Variants in MEF2D observed in about 807,000 individuals in gnomAD.
MEF2D encodes the protein myocyte-specific enhancer factor 2D.
A neutral mutation model predicts 59.3 loss-of-function variants in MEF2D; 10 were observed. That is an observed-to-expected ratio of 0.17 (90% CI 0.10 to 0.29). The LOEUF is 0.29. Among genes scored for constraint, MEF2D ranks in the 10% least tolerant of loss-of-function variants. The pLI is 1.00. For missense variants in MEF2D, 508 were observed against 699.4 expected (o/e 0.73, Z 3.09); for synonymous variants, 305 against 295.0 (o/e 1.03, Z -0.35).
Position 156,483,305 on chromosome 1 carries a change from T to C in MEF2D, c.-13A>G. ...TTTTCCTCCCCATCTTCTCCGGGGG[T>C]CCTCAGTGCTACGGAGGGGAGGGGC... is the stretch of plus-strand genomic sequence containing the variant. On this transcript the variant is annotated 5_prime_UTR_variant, in exon 2 of 12. Transcript: ENST00000348159. 6.2e-7 allele frequency: 1 copy of C among 1,613,878 alleles called. No homozygotes were observed.
chr1:156,475,372 G>T, intron 8 of MEF2D, 135 bp from the exon 9 acceptor site: 1 of 1,025,274 alleles, frequency 9.8e-7, no homozygotes, highest in Non-Finnish European at 1.4e-6. Context: ...GGCCCCCACA[G>T]ATATACAAAC....
At chr1:156,492,297 A>G (rs919847622) in intron 1 of MEF2D, among the ~76,000 whole-genome samples, 59 of 152,238 alleles carry the variant, frequency 3.9e-4, no homozygotes, top group Admixed American at 7.2e-4. Flanking sequence ...TAGGACAGAT[A>G]TAAGACTACA....
At chr1:156,481,097 T>A in intron 3 of MEF2D, 126 bp from the exon 4 acceptor site, 1 of 1,362,468 alleles carries the variant, frequency 7.3e-7, no homozygotes, top group Non-Finnish European at 1.0e-6. Context: ...GTTCCCAGCA[T>A]CTCCCTGGCC....
chr1:156,478,552 C>T (rs949611031), intron 6 of MEF2D, among the ~76,000 whole-genome samples: 7 of 151,992 alleles, frequency 4.6e-5, no homozygotes, highest in East Asian at 1.9e-4. Flanking sequence ...TTTTTTGAGA[C>T]GGAGTTTCGC....
chr1:156,475,082 C>T lies in MEF2D; in HGVS notation c.1006+26G>A, dbSNP rs756602610. On this transcript the variant is annotated intron_variant, in intron 9 of 11. Coordinates refer to ENST00000348159, the MANE Select transcript of MEF2D (RefSeq NM_005920.4). ...TGCCTGCCCCAAGCCCAAGTGCACACATGCACATGTCACATGAACACTCAC... is the reference window on the plus strand; with the variant it reads ...TGCCTGCCCCAAGCCCAAGTGCACATATGCACATGTCACATGAACACTCAC... 1.9e-6 allele frequency: 3 copies of T among 1,613,982 alleles called. No homozygotes were observed. In the South Asian group the frequency reaches 3.3e-5, roughly 18 times the overall value.
At chr1:156,476,546 C>T (rs1044031334) in intron 7 of MEF2D, 32 bp from the exon 8 acceptor site, 16 of 1,606,348 alleles carry the variant, frequency 1.0e-5, no homozygotes, top group African/African-American at 4.0e-5. Context: ...AGGGGATGTT[C>T]AGTCTCTGGC....
intron 8 of MEF2D, 126 bp from the exon 9 acceptor site, chr1:156,475,363 G>T: frequency 8.8e-7 from 1 of 1,140,788 alleles, no homozygotes; most frequent in South Asian, 1.6e-5. Context: ...TAGCACGGAG[G>T]CCCCCACAGA....
chr1:156,464,400 CTGAG>C lies in MEF2D; in HGVS notation c.*3241_*3244del. Reference sequence around the variant, plus strand: ...GGGGTCAGGGGTCAGTCTTGCTGCACTGAGTGTGCTGTTGAGGGGGGGAGAATGG... The same window carrying C: ...GGGGTCAGGGGTCAGTCTTGCTGCACTGTGCTGTTGAGGGGGGGAGAATGG... On this transcript the variant is annotated 3_prime_UTR_variant, in exon 12 of 12. Transcript: ENST00000348159. 7.6e-6 allele frequency: 1 copy of C among 131,122 alleles called. No homozygotes were observed. The highest frequency in any genetic ancestry group is 1.6e-5 in the Non-Finnish European group (1 of 64,374). 8.1% of individuals were successfully genotyped at this position (131,122 alleles called of 1,614,324 possible).
In MEF2D at chr1:156,495,773, A is replaced by AAAAAAAAAAAAAG. The variant is rs1673096744; in HGVS notation, c.-139+4712_-139+4713insCTTTTTTTTTTTT. On this transcript the variant is annotated intron_variant, in intron 1 of 11. Transcript: ENST00000348159. ...CTTTGACCAGGGGGCAAAAAAAAAA[A>AAAAAAAAAAAAAG]AAAAAGCTCCCTCTGCATGGTTTCC... 1.3e-5 allele frequency among the ~76,000 whole-genome samples: 2 copies of AAAAAAAAAAAAAG among 150,432 alleles called. 1 individual carries two copies. Among genetic ancestry groups the AAAAAAAAAAAAAG allele is most frequent in the African/African-American group, 4.9e-5 (2 of 40,956 alleles).
At chr1:156,476,981 G>A in intron 7 of MEF2D, 31 bp downstream of exon 7, 6 of 1,611,786 alleles carry the variant, frequency 3.7e-6, no homozygotes, top group Non-Finnish European at 5.1e-6. Context: ...CCATTCCCCA[G>A]CCCCCACCCT....
At chr1:156,499,687 G>T (rs1208574741) in intron 1 of MEF2D, 1 of 152,236 alleles carries the variant, frequency 6.6e-6, no homozygotes, top group Non-Finnish European at 1.5e-5. Flanking sequence ...CCTGCCATAG[G>T]TGGAAAGGAC....
Position 156,479,475 on chromosome 1 carries a change from T to C in MEF2D, c.607+111A>G, listed in dbSNP as rs1184719373. On this transcript the variant is annotated intron_variant, in intron 5 of 11. Transcript: ENST00000348159. Reference sequence around the variant, plus strand: ...TCCCTTCCCTCAGGAGCCATACAAATGGCGGAATGCTGTGGTGGGTGAAGA... The same window carrying C: ...TCCCTTCCCTCAGGAGCCATACAAACGGCGGAATGCTGTGGTGGGTGAAGA... 2.7e-6 allele frequency: 4 copies of C among 1,493,202 alleles called. No individual in the cohort carries two copies. In the African/African-American group the frequency reaches 5.6e-5, roughly 21 times the overall value. 92.5% of individuals were successfully genotyped at this position (1,493,202 alleles called of 1,614,324 possible).
In MEF2D at chr1:156,464,633, G is replaced by T. The variant is rs1670728912; in HGVS notation, c.*3012C>A. 1 of 152,190 alleles carries T rather than the reference G, an allele frequency of 6.6e-6. No homozygotes were observed. Among genetic ancestry groups the T allele is most frequent in the South Asian group, 2.1e-4 (1 of 4,832 alleles). The allele number at this position is 152,190 out of a possible 1,614,324, so 9.4% of individuals were successfully genotyped here. On this transcript the variant is annotated 3_prime_UTR_variant, in exon 12 of 12. Transcript: ENST00000348159. ...TCCTCATCTGAGGTCTGGGTTCCCA[G>T]GGACCCATTCATCTGGCCGCCCAGG...
Position 156,467,503 on chromosome 1 carries a change from T to C in MEF2D, c.*142A>G. On this transcript the variant is annotated 3_prime_UTR_variant, in exon 12 of 12. Transcript: ENST00000348159. ...AATAATAATAATAATATAATAATTA[T>C]ACACAAATGTAACCGTCAACAGGAC... 2.3e-6 allele frequency: 1 copy of C among 444,328 alleles called. No homozygotes were observed. The highest frequency in any genetic ancestry group is 3.9e-6 in the Non-Finnish European group (1 of 253,474). 27.5% of individuals were successfully genotyped at this position (444,328 alleles called of 1,614,324 possible).
chr1:156,500,412 T>A (rs1287049556), intron 1 of MEF2D, 74 bp downstream of exon 1: 1 of 152,096 alleles, frequency 6.6e-6, no homozygotes, highest in Non-Finnish European at 1.5e-5. Context: ...TAGACCACCC[T>A]CCACCCCAAC....
rs1246515412 is a variant in MEF2D at position 156,476,539 on chromosome 1, G to C, written c.856-25C>G. On this transcript the variant is annotated intron_variant, in intron 7 of 11. Transcript: ENST00000348159. ...TCTGAGAGCAGAAATAAAACCAAGG[G>C]GATGTTCAGTCTCTGGCCGCTGCCC... The C allele has an allele frequency of 2.5e-6, 4 of 1,609,196 alleles. No individual in the cohort carries two copies. The South Asian group carries it at 3.3e-5, about 13-fold the overall frequency.
intron 1 of MEF2D, among the ~76,000 whole-genome samples, chr1:156,498,557 G>T (rs1673281187): frequency 6.6e-6 from 1 of 151,838 alleles, no homozygotes. Context: ...AACCTTTTGG[G>T]TCCCTACAGG....
intron 6 of MEF2D, among the ~76,000 whole-genome samples, chr1:156,478,521 C>A (rs949729835): frequency 2.0e-5 from 3 of 152,112 alleles, no homozygotes; most frequent in African/African-American, 4.8e-5. Flanking sequence ...GGCAGCCTTT[C>A]TTCTGTGGCT....
intron 1 of MEF2D, among the ~76,000 whole-genome samples, chr1:156,486,742 G>A (rs1672393172): frequency 6.6e-6 from 1 of 152,212 alleles, no homozygotes; most frequent in Non-Finnish European, 1.5e-5. Flanking sequence ...GCTCCTCTAT[G>A]AGACTAAAGT....
Sources: allele counts gnomAD v4.1 joint callset (sites outside exome capture counted in the v4.1 genomes callset), GRCh38; gene constraint gnomAD v4.1.1; transcripts MANE v1.5; gene names NCBI Gene and HGNC (gene_info 2026-07-23, HGNC 2026-07-21).